Variants in TDRP observed in about 807,000 individuals in gnomAD.
The protein encoded by TDRP is testis development-related protein.
Under a neutral mutation model 10.5 loss-of-function variants are expected in TDRP, and 12 were observed. The observed-to-expected ratio is 1.15, with a 90% confidence interval of 0.73 to 1.86. The LOEUF (loss-of-function observed/expected upper bound fraction) is 1.86. Ranked by LOEUF, TDRP falls within the 40% of genes most tolerant of loss-of-function variation. TDRP has a pLI of 0.00. For missense variants in TDRP, 353 were observed against 229.2 expected, an observed-to-expected ratio of 1.54 and a Z score of -3.49; for synonymous variants, 139 against 95.4, an observed-to-expected ratio of 1.46 and a Z score of -2.67.
intron 1 of TDRP, among the ~76,000 whole-genome samples, chr8:498,294 G>T (rs985812866): frequency 3.9e-5 from 6 of 152,218 alleles, no homozygotes; most frequent in Non-Finnish European, 7.3e-5. Flanking sequence ...CTGTGGAGAT[G>T]CCCAATGCGT....
intron 1 of TDRP, among the ~76,000 whole-genome samples, chr8:533,394 C>G (rs1450965241): frequency 2.0e-5 from 3 of 152,106 alleles, no homozygotes; most frequent in Admixed American, 1.3e-4. Context: ...AACCCTAGCT[C>G]AAAACTTTCA....
At chr8:524,799 T>C (rs1195490779) in intron 1 of TDRP, among the ~76,000 whole-genome samples, 1 of 152,132 alleles carries the variant, frequency 6.6e-6, no homozygotes, top group Non-Finnish European at 1.5e-5. Context: ...CAATGAGGCT[T>C]GCTTACAGGA....
intron 1 of TDRP, among the ~76,000 whole-genome samples, chr8:504,694 T>C (rs924284359): frequency 1.3e-5 from 2 of 152,184 alleles, no homozygotes; most frequent in Admixed American, 6.5e-5. Context: ...AGGTTACAAT[T>C]TGGGTCAACA....
Position 499,289 on chromosome 8 carries a change from G to A in TDRP, c.109-4692C>T, listed in dbSNP as rs73671717. ...CTCTGTTACCCAGGCTGGTGGCCTG[G>A]CCTACTTCCTTACAAGAATGCCTTA... On this transcript the variant is annotated intron_variant, in intron 1 of 2. Transcript: ENST00000324079. 7.4e-3 allele frequency among the ~76,000 whole-genome samples: 1,124 copies of A among 152,158 alleles called. 12 individuals carry two copies. The highest frequency in any genetic ancestry group is 0.026 in the African/African-American group (1,069 of 41,528).
chr8:525,143 G>A (rs904990183), intron 1 of TDRP, among the ~76,000 whole-genome samples: 32 of 152,148 alleles, frequency 2.1e-4, no homozygotes, highest in African/African-American at 7.2e-4. Flanking sequence ...AACCTTACAG[G>A]TCAAGAGAGA....
intron 2 of TDRP, among the ~76,000 whole-genome samples, chr8:494,093 A>T (rs1212445242): frequency 7.2e-6 from 1 of 139,506 alleles, no homozygotes; most frequent in Non-Finnish European, 1.5e-5. Context: ...AGTAGCTGGG[A>T]TTATAGGCAC....
At chr8:501,616 G>C (rs1801303647) in intron 1 of TDRP, among the ~76,000 whole-genome samples, 2 of 152,168 alleles carry the variant, frequency 1.3e-5, no homozygotes, top group Non-Finnish European at 2.9e-5. Flanking sequence ...CAAAGTGCTG[G>C]GATTACAGGC....
chr8:520,435 T>C (rs1247243569), intron 1 of TDRP, among the ~76,000 whole-genome samples: 2 of 152,250 alleles, frequency 1.3e-5, no homozygotes, highest in African/African-American at 2.4e-5. Context: ...TTTGAGATCC[T>C]GTTTTCCTTT....
At chr8:532,155 C>G (rs1309428657) in intron 1 of TDRP, among the ~76,000 whole-genome samples, 4 of 152,204 alleles carry the variant, frequency 2.6e-5, no homozygotes, top group Non-Finnish European at 5.9e-5. Flanking sequence ...AGAGAGTGCA[C>G]CACATCCACT....
intron 1 of TDRP, chr8:495,085 T>A (rs902574311): frequency 1.9e-5 from 3 of 156,254 alleles, no homozygotes; most frequent in Non-Finnish European, 2.8e-5. Context: ...TACAAAAACT[T>A]AGCCAGGTAT....
At chr8:497,723 C>G (rs1801174555) in intron 1 of TDRP, among the ~76,000 whole-genome samples, 1 of 152,152 alleles carries the variant, frequency 6.6e-6, no homozygotes, top group Non-Finnish European at 1.5e-5. Flanking sequence ...TTTCAGAGAC[C>G]TTCATGGCAG....
At chr8:499,618 T>A (rs148181777) in intron 1 of TDRP, among the ~76,000 whole-genome samples, 2 of 152,330 alleles carry the variant, frequency 1.3e-5, no homozygotes, top group Admixed American at 1.3e-4. Flanking sequence ...CAAACAGACA[T>A]GATCGAAGTG....
intron 1 of TDRP, among the ~76,000 whole-genome samples, chr8:523,288 T>C (rs957000094): frequency 6.6e-6 from 1 of 152,214 alleles, no homozygotes; most frequent in African/African-American, 2.4e-5. Context: ...ACTTTATGTC[T>C]CCCCTTTATG....
Position 490,081 on chromosome 8 carries a change from G to C in TDRP, c.*2318C>G, listed in dbSNP as rs1209452674. ...GCACAGGACAACTCTCTTCACACAA[G>C]GAAGCTGTGTGTTTACACAATTCAA... On this transcript the variant is annotated 3_prime_UTR_variant, in exon 3 of 3. Transcript: ENST00000324079. The C allele has an allele frequency of 6.6e-6, 1 of 152,142 alleles. No individual in the cohort carries two copies. The highest frequency in any genetic ancestry group is 1.5e-5 in the Non-Finnish European group (1 of 68,022). 9.4% of individuals were successfully genotyped at this position (152,142 alleles called of 1,614,324 possible). A position where few individuals can be genotyped will look rare whatever the true frequency, so the allele number is the denominator to read the frequency against.
At chr8:509,329 G>C (rs1053038399) in intron 1 of TDRP, among the ~76,000 whole-genome samples, 5 of 152,212 alleles carry the variant, frequency 3.3e-5, no homozygotes, top group African/African-American at 1.2e-4. Context: ...TGGCCCAGCA[G>C]AGGTTCTCCA....
chr8:543,927 A>AGGGGGGG (rs1196311229), intron 1 of TDRP, among the ~76,000 whole-genome samples: 2 of 11,350 alleles, frequency 1.8e-4, no homozygotes, highest in Non-Finnish European at 3.3e-4. Flanking sequence ...GGAAAAAGGG[A>AGGGGGGG]GGGGGGGGGA....
chr8:527,221 G>C (rs1054127680), intron 1 of TDRP, among the ~76,000 whole-genome samples: 1 of 152,012 alleles, frequency 6.6e-6, no homozygotes, highest in African/African-American at 2.4e-5. Context: ...AGAAGTTAAA[G>C]ATCTCTACAA....
intron 1 of TDRP, among the ~76,000 whole-genome samples, chr8:526,852 C>T (rs1430009668): frequency 1.3e-5 from 2 of 152,144 alleles, no homozygotes; most frequent in Admixed American, 1.3e-4. Flanking sequence ...GAAGTCCTAG[C>T]TAGAGCAATC....
Position 544,534 on chromosome 8 carries a change from T to C in TDRP, c.108+116A>G, listed in dbSNP as rs150940750. 1.0e-3 allele frequency: 693 copies of C among 683,518 alleles called. 6 individuals are homozygous for C. In the African/African-American group the frequency reaches 0.012, roughly 12 times the overall value. The allele number at this position is 683,518 out of a possible 1,614,324, so 42.3% of individuals were successfully genotyped here. ...GGAGCTACGCGGCCCCAACCTCACC[T>C]GCCCGCCCAAACTGTGCCCCCAACT... On this transcript the variant is annotated intron_variant, in intron 1 of 2. Transcript: ENST00000324079.
Sources: gnomAD v4.1 joint callset for allele counts (sites outside exome capture counted in the v4.1 genomes callset) on GRCh38, gnomAD v4.1.1 for gene constraint, MANE v1.5 for transcripts, NCBI Gene and HGNC (gene_info 2026-07-23, HGNC 2026-07-21) for gene names.